Variants in PKNOX2 observed in about 807,000 individuals in gnomAD.
The protein encoded by PKNOX2 is homeobox protein PKNOX2.
In PKNOX2, 14 loss-of-function variants were observed where a neutral mutation model predicts 53.1. The ratio of observed to expected loss-of-function variants is 0.26; its 90% CI spans 0.17 to 0.41. The LOEUF is 0.41. Among genes scored for constraint, PKNOX2 ranks in the 10% least tolerant of loss-of-function variants. The probability of loss-of-function intolerance (pLI) is 1.00; values close to 1 mark genes in which losing one functional copy is unlikely to be tolerated. For missense variants in PKNOX2, 496 were observed against 602.8 expected (o/e 0.82, Z 1.85); for synonymous variants, 257 against 242.8 (o/e 1.06, Z -0.54).
intron 1 of PKNOX2, among the ~76,000 whole-genome samples, chr11:125,195,945 C>A (rs1212371077): frequency 6.6e-6 from 1 of 151,550 alleles, no homozygotes; most frequent in Non-Finnish European, 1.5e-5. Context: ...ATATCCCAGA[C>A]ACAGAAACTC....
chr11:125,364,733 G>T (rs1419922446), intron 4 of PKNOX2, among the ~76,000 whole-genome samples: 1 of 152,194 alleles, frequency 6.6e-6, no homozygotes, highest in African/African-American at 2.4e-5. Flanking sequence ...AAGCGCTCTA[G>T]AGTTTCCAAA....
At chr11:125,384,543 G>A (rs1216154256) in intron 5 of PKNOX2, among the ~76,000 whole-genome samples, 1 of 152,138 alleles carries the variant, frequency 6.6e-6, no homozygotes, top group Admixed American at 6.5e-5. Context: ...AATAAGCCAG[G>A]CGTGGTGGCG....
intron 4 of PKNOX2, among the ~76,000 whole-genome samples, chr11:125,357,656 T>C (rs1446124095): frequency 6.6e-6 from 1 of 152,152 alleles, no homozygotes; most frequent in Non-Finnish European, 1.5e-5. Context: ...TTAGTTGGTC[T>C]TCAGAAAGCT....
intron 2 of PKNOX2, among the ~76,000 whole-genome samples, chr11:125,298,458 G>A (rs1411066100): frequency 6.6e-6 from 1 of 152,160 alleles, no homozygotes; most frequent in East Asian, 1.9e-4. Context: ...CCACCAGAGT[G>A]GAGGGCTTTC....
At chr11:125,424,975 G>A (rs1233143848) in intron 10 of PKNOX2, among the ~76,000 whole-genome samples, 3 of 152,122 alleles carry the variant, frequency 2.0e-5, no homozygotes, top group Non-Finnish European at 4.4e-5. Flanking sequence ...AGATTTCAGC[G>A]GAACTTCCTG....
chr11:125,214,550 C>A (rs1565471085), intron 1 of PKNOX2, among the ~76,000 whole-genome samples: 2 of 152,042 alleles, frequency 1.3e-5, no homozygotes, highest in Non-Finnish European at 2.9e-5. Flanking sequence ...AAATCTTATA[C>A]CCTTCTGAGT....
intron 7 of PKNOX2, among the ~76,000 whole-genome samples, chr11:125,404,995 G>A (rs1339386118): frequency 1.3e-5 from 2 of 152,202 alleles, no homozygotes; most frequent in South Asian, 2.1e-4. Flanking sequence ...GCCAGCACGC[G>A]CCTTCTGGGA....
At chr11:125,358,462 G>C (rs1030779384) in intron 4 of PKNOX2, among the ~76,000 whole-genome samples, 1 of 152,218 alleles carries the variant, frequency 6.6e-6, no homozygotes, top group East Asian at 1.9e-4. Context: ...TCCTGTCAGT[G>C]ACAGCCCAGG....
At chr11:125,324,468 T>C (rs918983747) in intron 2 of PKNOX2, among the ~76,000 whole-genome samples, 3 of 152,196 alleles carry the variant, frequency 2.0e-5, no homozygotes, top group Non-Finnish European at 4.4e-5. Context: ...ATGTACAAAA[T>C]ACATCTTAGG....
intron 3 of PKNOX2, among the ~76,000 whole-genome samples, chr11:125,350,755 T>A (rs538725131): frequency 3.4e-4 from 51 of 152,168 alleles, no homozygotes; most frequent in African/African-American, 1.2e-3. Context: ...TGAGGACGGG[T>A]GAGCCCTGGG....
intron 2 of PKNOX2, among the ~76,000 whole-genome samples, chr11:125,260,345 CGTG>C (rs1402309208): frequency 6.6e-6 from 1 of 152,098 alleles, no homozygotes; most frequent in Non-Finnish European, 1.5e-5. Context: ...ACTACAGGCA[CGTG>C]CCACCACATC....
intron 1 of PKNOX2, among the ~76,000 whole-genome samples, chr11:125,182,805 G>C (rs1215363291): frequency 6.6e-6 from 1 of 152,178 alleles, no homozygotes; most frequent in African/African-American, 2.4e-5. Flanking sequence ...AAGGACCCTT[G>C]GATTTTTTGT....
At chr11:125,272,198 T>C (rs1177510569) in intron 2 of PKNOX2, among the ~76,000 whole-genome samples, 1 of 151,986 alleles carries the variant, frequency 6.6e-6, no homozygotes, top group African/African-American at 2.4e-5. Context: ...CTGTGAAGGG[T>C]CGTGGGGGTG....
chr11:125,419,666 A>G (rs906302317), intron 10 of PKNOX2, among the ~76,000 whole-genome samples: 1 of 151,822 alleles, frequency 6.6e-6, no homozygotes, highest in Non-Finnish European at 1.5e-5. Flanking sequence ...AAAGGCTGTG[A>G]GGCCATCATT....
chr11:125,241,280 T>C (rs1943122995), intron 2 of PKNOX2, among the ~76,000 whole-genome samples: 1 of 152,196 alleles, frequency 6.6e-6, no homozygotes, highest in African/African-American at 2.4e-5. Context: ...ACAAATACTC[T>C]GTGTACTTTT....
At chr11:125,388,923 C>T (rs748694534) in intron 6 of PKNOX2, among the ~76,000 whole-genome samples, 15 of 152,100 alleles carry the variant, frequency 9.9e-5, no homozygotes, top group Non-Finnish European at 2.1e-4. Context: ...GGCCGGGAAC[C>T]GTGGCTCATG....
intron 6 of PKNOX2, among the ~76,000 whole-genome samples, chr11:125,396,322 GT>G (rs149315152): frequency 0.08 from 12,066 of 150,918 alleles, 579 homozygotes; most frequent in Non-Finnish European, 0.11. Context: ...ATTTTTTCCT[GT>G]TTTTTTTTAA....
intron 2 of PKNOX2, among the ~76,000 whole-genome samples, chr11:125,312,185 G>T (rs1159110576): frequency 2.0e-5 from 3 of 152,202 alleles, no homozygotes; most frequent in Non-Finnish European, 2.9e-5. Context: ...GCACTGCTTT[G>T]TAAGGGGTGG....
At chr11:125,357,802 A>C (rs532478587) in intron 4 of PKNOX2, among the ~76,000 whole-genome samples, 1 of 152,312 alleles carries the variant, frequency 6.6e-6, no homozygotes, top group African/African-American at 2.4e-5. Flanking sequence ...CAGGACTTGT[A>C]ATAAGAATTT....
Sources: allele counts gnomAD v4.1 joint callset (sites outside exome capture counted in the v4.1 genomes callset), GRCh38; gene constraint gnomAD v4.1.1; transcripts MANE v1.5; gene names NCBI Gene and HGNC (gene_info 2026-07-23, HGNC 2026-07-21).